The following ZFAND3 variants were observed in gnomAD, a reference collection of about 807,000 sequenced individuals.
ZFAND3 encodes the protein AN1-type zinc finger protein 3.
Under a neutral mutation model 29.6 loss-of-function variants are expected in ZFAND3, and 10 were observed. That is an observed-to-expected ratio of 0.34 (90% CI 0.21 to 0.57). ZFAND3 has a LOEUF of 0.57. Among genes scored for constraint, ZFAND3 ranks in the 20% least tolerant of loss-of-function variants. The pLI is 0.86. For missense variants in ZFAND3, 230 were observed against 304.5 expected, an observed-to-expected ratio of 0.76 and a Z score of 1.82; for synonymous variants, 128 against 112.6, an observed-to-expected ratio of 1.14 and a Z score of -0.87.
At chr6:38,131,220 G>A (rs1315307055) in intron 5 of ZFAND3, among the ~76,000 whole-genome samples, 3 of 151,900 alleles carry the variant, frequency 2.0e-5, no homozygotes, top group Non-Finnish European at 2.9e-5. Flanking sequence ...CTTGTTAATG[G>A]CCTATGAATT....
chr6:38,035,069 G>A (rs1485289557), intron 2 of ZFAND3, among the ~76,000 whole-genome samples: 1 of 151,330 alleles, frequency 6.6e-6, no homozygotes, highest in Non-Finnish European at 1.5e-5. Flanking sequence ...TGAGCTTTCG[G>A]GGTTCATAAA....
chr6:38,014,492 A>G (rs1763220249), intron 2 of ZFAND3, among the ~76,000 whole-genome samples: 1 of 151,136 alleles, frequency 6.6e-6, no homozygotes, highest in African/African-American at 2.4e-5. Flanking sequence ...ATGCCCAGCT[A>G]ATTTTTGTAT....
intron 1 of ZFAND3, among the ~76,000 whole-genome samples, chr6:37,913,727 T>TTTTTA (rs1761172944): frequency 6.7e-6 from 1 of 148,878 alleles, no homozygotes; most frequent in African/African-American, 2.5e-5. Flanking sequence ...TTTTTTTTTT[T>TTTTTA]GAGACAGAGT....
In ZFAND3 at chr6:38,047,964, G is replaced by T. The variant is rs998446822; in HGVS notation, c.113-13629G>T. 3.5e-4 allele frequency among the ~76,000 whole-genome samples: 44 copies of T among 126,300 alleles called. No homozygotes were observed. In the South Asian group the frequency reaches 4.3e-3, roughly 12 times the overall value. 82.9% of individuals were successfully genotyped at this position (126,300 alleles called of 152,430 possible). On this transcript the variant is annotated intron_variant, in intron 2 of 5. Transcript: ENST00000287218. ...ATCTGTTCCAGACCTAGGTTTTTGG[G>T]TTTTTTTTGTTTTTTTTTTTTTTAC...
intron 1 of ZFAND3, among the ~76,000 whole-genome samples, chr6:37,913,915 G>A (rs1021631567): frequency 6.6e-6 from 1 of 151,830 alleles, no homozygotes; most frequent in Non-Finnish European, 1.5e-5. Flanking sequence ...AGTAGAGATG[G>A]GGTTTCGCCA....
Position 38,039,887 on chromosome 6 carries a change from T to C in ZFAND3, c.113-21706T>C, listed in dbSNP as rs1013167269. Among the ~76,000 whole-genome samples, 11 of 152,320 alleles carry C rather than the reference T, an allele frequency of 7.2e-5. 1 individual carries two copies. Among genetic ancestry groups the C allele is most frequent in the Admixed American group, 3.3e-4 (5 of 15,298 alleles). ...TGGTTATTAGGCATGTTTTCTGTGC[T>C]TTGTTTTTAATATTTTTGAAAATAC... is the stretch of plus-strand genomic sequence containing the variant. On this transcript the variant is annotated intron_variant, in intron 2 of 5. Transcript: ENST00000287218.
chr6:38,058,505 G>A (rs1157158112), intron 2 of ZFAND3, among the ~76,000 whole-genome samples: 2 of 152,210 alleles, frequency 1.3e-5, no homozygotes, highest in African/African-American at 4.8e-5. Flanking sequence ...GAACAAGAAA[G>A]TGGCTAGGAG....
At chr6:37,978,950 T>G (rs1446307202) in intron 2 of ZFAND3, among the ~76,000 whole-genome samples, 1 of 152,102 alleles carries the variant, frequency 6.6e-6, no homozygotes, top group Non-Finnish European at 1.5e-5. Context: ...TACTGATAAT[T>G]TGTGTCTTTT....
chr6:37,848,224 C>T (rs894557248), intron 1 of ZFAND3, among the ~76,000 whole-genome samples: 2 of 152,212 alleles, frequency 1.3e-5, no homozygotes, highest in African/African-American at 4.8e-5. Flanking sequence ...TTATTTTGTT[C>T]TAACATGCTG....
At position 37,896,556 on chromosome 6, in the gene ZFAND3, TTCTTTCTTTCTTTCTC is replaced by T. The variant is rs1048627744; in HGVS notation, c.72-33395_72-33380del. On this transcript the variant is annotated intron_variant, in intron 1 of 5. Transcript: ENST00000287218. Reference sequence around the variant, plus strand: ...TTTCTTTCTTTCTTTCTTTCTTTCTTTCTTTCTTTCTTTCTCTCTTTCTCTCTCTTTCTCTTTTTCT... The same window carrying T: ...TTTCTTTCTTTCTTTCTTTCTTTCTTTCTTTCTCTCTCTTTCTCTTTTTCT... Among the ~76,000 whole-genome samples the T allele has an allele frequency of 8.7e-5, 13 of 149,002 alleles. No homozygotes were observed. The East Asian group carries it at 2.0e-3, about 23-fold the overall frequency.
chr6:37,895,459 C>CTTTTTTTTTTTTTTTTTTTTTT, intron 1 of ZFAND3, among the ~76,000 whole-genome samples: 1 of 76,772 alleles, frequency 1.3e-5, no homozygotes, highest in Non-Finnish European at 2.4e-5. Flanking sequence ...CTCAGAGGTT[C>CTTTTTTTTTTTTTTTTTTTTTT]TTTTTTTTTT....
chr6:37,867,861 T>G (rs954700971), intron 1 of ZFAND3, among the ~76,000 whole-genome samples: 1 of 152,230 alleles, frequency 6.6e-6, no homozygotes, highest in African/African-American at 2.4e-5. Context: ...GGTGAAAGAC[T>G]GGATTCTTGC....
chr6:38,120,320 CTT>C (rs70981523), intron 5 of ZFAND3, among the ~76,000 whole-genome samples: 650 of 60,486 alleles, frequency 0.011, no homozygotes, highest in African/African-American at 0.028. Flanking sequence ...GCTTGGCTTC[CTT>C]TTTTTTTTTT....
chr6:37,884,331 TA>T (rs1397455176), intron 1 of ZFAND3, among the ~76,000 whole-genome samples: 2 of 142,418 alleles, frequency 1.4e-5, no homozygotes, highest in Non-Finnish European at 3.0e-5. Flanking sequence ...TTATCTTTAC[TA>T]AAAAATACAA....
chr6:37,930,582 T>G (rs1003296861), intron 2 of ZFAND3, among the ~76,000 whole-genome samples: 7 of 152,116 alleles, frequency 4.6e-5, no homozygotes, highest in African/African-American at 1.7e-4. Context: ...CTCGGGTAAG[T>G]CACGTAATCT....
At chr6:38,127,244 T>C (rs937772602) in intron 5 of ZFAND3, among the ~76,000 whole-genome samples, 3 of 152,198 alleles carry the variant, frequency 2.0e-5, no homozygotes, top group African/African-American at 7.2e-5. Context: ...CCACAGGTTG[T>C]AGTTGATTAA....
chr6:37,999,749 C>T (rs1413284357), intron 2 of ZFAND3, among the ~76,000 whole-genome samples: 1 of 152,124 alleles, frequency 6.6e-6, no homozygotes, highest in Non-Finnish European at 1.5e-5. Flanking sequence ...GACATGACAA[C>T]TAAATCTAAT....
At chr6:37,918,009 G>T (rs116202548) in intron 1 of ZFAND3, among the ~76,000 whole-genome samples, 1 of 152,194 alleles carries the variant, frequency 6.6e-6, no homozygotes, top group Middle Eastern at 3.4e-3. Flanking sequence ...TGTTCTGTCG[G>T]TATTTTTATC....
chr6:37,929,165 C>T, intron 1 of ZFAND3, among the ~76,000 whole-genome samples: 1 of 152,196 alleles, frequency 6.6e-6, no homozygotes, highest in South Asian at 2.1e-4. Context: ...TCAAAAAATT[C>T]CAACCTCTGG....
Sources: gnomAD v4.1 joint callset for allele counts (sites outside exome capture counted in the v4.1 genomes callset) on GRCh38, gnomAD v4.1.1 for gene constraint, MANE v1.5 for transcripts, NCBI Gene and HGNC (gene_info 2026-07-23, HGNC 2026-07-21) for gene names.